Variants in LRRC4C observed in about 807,000 individuals in gnomAD.
The protein encoded by LRRC4C is leucine rich repeat containing 4C, also known as leucine-rich repeat-containing protein 4C.
A neutral mutation model predicts 33.6 loss-of-function variants in LRRC4C; 5 were observed. That is an observed-to-expected ratio of 0.15 (90% confidence interval 0.08 to 0.31). LRRC4C has a LOEUF of 0.31. Among genes scored for constraint, LRRC4C ranks in the 10% least tolerant of loss-of-function variants. The pLI is 1.00. For synonymous variants in LRRC4C, 329 were observed against 302.0 expected, an observed-to-expected ratio of 1.09 and a Z score of -0.93; for missense variants, 560 against 796.7, an observed-to-expected ratio of 0.70 and a Z score of 3.58.
chr11:40,258,794 G>GAAGCAGA (rs1296248769), intron 4 of LRRC4C, among the ~76,000 whole-genome samples: 1 of 152,182 alleles, frequency 6.6e-6, no homozygotes, highest in African/African-American at 2.4e-5. Flanking sequence ...CTAAGTGGGT[G>GAAGCAGA]AAGCAGAAAG....
intron 2 of LRRC4C, among the ~76,000 whole-genome samples, chr11:40,814,510 C>T (rs781731938): frequency 6.6e-6 from 1 of 152,006 alleles, no homozygotes; most frequent in East Asian, 1.9e-4. Context: ...TCTGACATGC[C>T]CTGGAGACAT....
chr11:41,193,902 A>C (rs1946070621), intron 1 of LRRC4C, among the ~76,000 whole-genome samples: 1 of 152,062 alleles, frequency 6.6e-6, no homozygotes, highest in African/African-American at 2.4e-5. Context: ...TTAGAGAAAT[A>C]ATACAGCCAA....
chr11:41,169,966 A>G (rs1359628001), intron 1 of LRRC4C, among the ~76,000 whole-genome samples: 1 of 152,138 alleles, frequency 6.6e-6, no homozygotes, highest in Non-Finnish European at 1.5e-5. Context: ...ATATGAGATG[A>G]TTCTTTTTCA....
At chr11:41,382,140 G>A (rs1436108514) in intron 1 of LRRC4C, among the ~76,000 whole-genome samples, 3 of 151,580 alleles carry the variant, frequency 2.0e-5, no homozygotes, top group Non-Finnish European at 2.9e-5. Context: ...TGCCTAATAA[G>A]GTAATCTATA....
intron 5 of LRRC4C, among the ~76,000 whole-genome samples, chr11:40,223,818 T>C (rs984004438): frequency 2.6e-5 from 4 of 152,234 alleles, no homozygotes; most frequent in African/African-American, 7.2e-5. Flanking sequence ...TCCATTCATG[T>C]ATACTTTTGC....
rs1253520025 is a variant in LRRC4C at position 40,137,893 on chromosome 11, T to C, written c.-43+2908A>G. ...CAATAATTTTTAAACTTTGAATTCA[T>C]ACAAAACCAAAACAAATCAGAAAAG... On this transcript the variant is annotated intron_variant, in intron 6 of 6. Transcript: ENST00000528697. 3.3e-5 allele frequency among the ~76,000 whole-genome samples: 5 copies of C among 152,250 alleles called. No homozygotes were observed. In the South Asian group the frequency reaches 8.3e-4, roughly 25 times the overall value.
intron 1 of LRRC4C, among the ~76,000 whole-genome samples, chr11:40,962,918 C>T (rs1306607915): frequency 1.3e-5 from 2 of 151,768 alleles, no homozygotes; most frequent in East Asian, 3.9e-4. Context: ...GGAAGAATGC[C>T]TTATTTGCCA....
In LRRC4C at chr11:41,191,678, G is replaced by T. The variant is rs138814049; in HGVS notation, c.-495-257955C>A. Reference sequence around the variant, plus strand: ...AAAGGGCTATTGCATTACAACTCGGGTGCTTTAGAATGGGTAGTAGATAAG... The same window carrying T: ...AAAGGGCTATTGCATTACAACTCGGTTGCTTTAGAATGGGTAGTAGATAAG... On this transcript the variant is annotated intron_variant, in intron 1 of 6. Transcript: ENST00000528697. Among the ~76,000 whole-genome samples, 19 of 152,210 alleles carry T rather than the reference G, an allele frequency of 1.2e-4. No homozygotes were observed. The East Asian group carries it at 3.7e-3, about 29-fold the overall frequency.
At chr11:40,678,510 C>T (rs1944521509) in intron 2 of LRRC4C, among the ~76,000 whole-genome samples, 1 of 151,964 alleles carries the variant, frequency 6.6e-6, no homozygotes, top group Non-Finnish European at 1.5e-5. Flanking sequence ...GCTGTGTCTC[C>T]ACCCAAATCT....
chr11:40,147,597 C>G (rs1414520560), intron 5 of LRRC4C, among the ~76,000 whole-genome samples: 1 of 151,458 alleles, frequency 6.6e-6, no homozygotes, highest in Non-Finnish European at 1.5e-5. Flanking sequence ...CAGTGAAGAC[C>G]TCTCACTTCA....
At chr11:40,897,402 A>G (rs971134591) in intron 2 of LRRC4C, among the ~76,000 whole-genome samples, 4 of 152,244 alleles carry the variant, frequency 2.6e-5, no homozygotes, top group African/African-American at 9.6e-5. Flanking sequence ...TGAGTCAAAG[A>G]AAGCAAGTCA....
chr11:41,175,095 C>A (rs1471377404), intron 1 of LRRC4C, among the ~76,000 whole-genome samples: 1 of 152,060 alleles, frequency 6.6e-6, no homozygotes, highest in African/African-American at 2.4e-5. Flanking sequence ...CCTATTCCCA[C>A]TATGAATGCC....
At chr11:41,274,372 C>G (rs1949413200) in intron 1 of LRRC4C, among the ~76,000 whole-genome samples, 1 of 152,050 alleles carries the variant, frequency 6.6e-6, no homozygotes, top group African/African-American at 2.4e-5. Context: ...TCAGAAAAGT[C>G]ACTACTATGG....
chr11:41,231,688 ACAC>A (rs1947804323), intron 1 of LRRC4C, among the ~76,000 whole-genome samples: 1 of 151,942 alleles, frequency 6.6e-6, no homozygotes, highest in Non-Finnish European at 1.5e-5. Flanking sequence ...TGGGTGCAGC[ACAC>A]CAACATGGCA....
intron 1 of LRRC4C, among the ~76,000 whole-genome samples, chr11:40,987,681 T>TATG (rs1555029157): frequency 0.012 from 890 of 74,576 alleles, 35 homozygotes; most frequent in Non-Finnish European, 0.016. Context: ...AAATGATATA[T>TATG]ATATATATAT....
chr11:41,298,879 G>A (rs1012506867), intron 1 of LRRC4C, among the ~76,000 whole-genome samples: 1 of 151,854 alleles, frequency 6.6e-6, no homozygotes, highest in African/African-American at 2.4e-5. Flanking sequence ...TCATTTATAA[G>A]TGAGAATGTG....
At chr11:41,295,598 C>CT (rs1950117748) in intron 1 of LRRC4C, among the ~76,000 whole-genome samples, 1 of 142,222 alleles carries the variant, frequency 7.0e-6, no homozygotes. Context: ...GGGCAACAAA[C>CT]ATTTTTTTTT....
intron 1 of LRRC4C, among the ~76,000 whole-genome samples, chr11:41,039,459 T>C (rs560258669): frequency 8.5e-5 from 13 of 152,306 alleles, no homozygotes; most frequent in Admixed American, 6.5e-4. Flanking sequence ...GCTTAGCGAA[T>C]ATTTGTTATG....
chr11:40,431,977 T>A (rs967059279), intron 3 of LRRC4C, among the ~76,000 whole-genome samples: 1 of 152,194 alleles, frequency 6.6e-6, no homozygotes, highest in African/African-American at 2.4e-5. Context: ...GTCAGCCACC[T>A]CAACCTTTGA....
Sources: allele counts gnomAD v4.1 joint callset (sites outside exome capture counted in the v4.1 genomes callset), GRCh38; gene constraint gnomAD v4.1.1; transcripts MANE v1.5; gene names NCBI Gene and HGNC (gene_info 2026-07-23, HGNC 2026-07-21).